Variants in CPQ observed in about 807,000 individuals in gnomAD.
CPQ encodes Ser-Met dipeptidase.
In CPQ, 37 loss-of-function variants were observed where a neutral mutation model predicts 45.7. That is an observed-to-expected ratio of 0.81 (90% CI 0.62 to 1.07). CPQ has a LOEUF of 1.07. Ranked by LOEUF, CPQ falls within the 50% of genes least tolerant of loss-of-function variation. The pLI is 0.00. For missense variants in CPQ, 537 were observed against 572.9 expected, an observed-to-expected ratio of 0.94 and a Z score of 0.64; for synonymous variants, 186 against 205.8, an observed-to-expected ratio of 0.90 and a Z score of 0.82.
At chr8:96,993,932 T>C (rs1809136099) in intron 5 of CPQ, among the ~76,000 whole-genome samples, 1 of 152,192 alleles carries the variant, frequency 6.6e-6, no homozygotes, top group African/African-American at 2.4e-5. Context: ...TCTCTCTTGC[T>C]GTTAATTGGG....
intron 7 of CPQ, among the ~76,000 whole-genome samples, chr8:97,111,851 C>T (rs1811502822): frequency 6.6e-6 from 1 of 152,204 alleles, no homozygotes; most frequent in African/African-American, 2.4e-5. Flanking sequence ...CTTATTCTGT[C>T]TCACTCTCTG....
chr8:96,912,325 A>G (rs1812675336), intron 4 of CPQ, among the ~76,000 whole-genome samples: 1 of 152,200 alleles, frequency 6.6e-6, no homozygotes, highest in Non-Finnish European at 1.5e-5. Context: ...TTTCACTGTG[A>G]GCAAGGTGGT....
intron 4 of CPQ, 32 bp downstream of exon 4, chr8:96,880,037 C>G (rs750129395): frequency 1.3e-6 from 2 of 1,575,138 alleles, no homozygotes; most frequent in Non-Finnish European, 1.7e-6. Context: ...CCTAAGAATA[C>G]AGTTTCCTGG....
intron 4 of CPQ, among the ~76,000 whole-genome samples, chr8:96,889,791 AG>A (rs1812349560): frequency 6.6e-6 from 1 of 152,192 alleles, no homozygotes; most frequent in African/African-American, 2.4e-5. Flanking sequence ...TACAGAAGAA[AG>A]GTGGAGGTCA....
intron 3 of CPQ, among the ~76,000 whole-genome samples, chr8:96,864,796 T>C (rs1004717802): frequency 6.6e-6 from 1 of 152,000 alleles, no homozygotes; most frequent in Admixed American, 6.6e-5. Context: ...CACCAATAGC[T>C]AATTGGAGGA....
intron 5 of CPQ, among the ~76,000 whole-genome samples, chr8:97,007,615 TG>T (rs1225138914): frequency 2.0e-5 from 3 of 152,162 alleles, no homozygotes; most frequent in African/African-American, 7.2e-5. Context: ...ATGACAAATG[TG>T]TGTAAATTTT....
chr8:96,849,346 T>A (rs548486852), intron 3 of CPQ, among the ~76,000 whole-genome samples: 1 of 152,218 alleles, frequency 6.6e-6, no homozygotes, highest in Non-Finnish European at 1.5e-5. Context: ...TTCCAGTGAC[T>A]GGCTTCTGGA....
intron 1 of CPQ, among the ~76,000 whole-genome samples, chr8:96,688,328 T>C (rs1415009658): frequency 6.6e-6 from 1 of 152,226 alleles, no homozygotes; most frequent in African/African-American, 2.4e-5. Flanking sequence ...CCCTTCTTGG[T>C]TACTTATTGA....
At chr8:96,879,665 A>T in intron 3 of CPQ, 133 bp from the exon 4 acceptor site, 1 of 636,176 alleles carries the variant, frequency 1.6e-6, no homozygotes, top group Non-Finnish European at 2.8e-6. Context: ...GTAAATCAAT[A>T]CTTCCCACAT....
At chr8:96,754,098 AC>A (rs1027826747) in intron 1 of CPQ, among the ~76,000 whole-genome samples, 5 of 152,084 alleles carry the variant, frequency 3.3e-5, no homozygotes, top group African/African-American at 1.2e-4. Context: ...GTTTTAATAT[AC>A]TTTGACTTAA....
intron 7 of CPQ, among the ~76,000 whole-genome samples, chr8:97,116,872 C>T (rs910383143): frequency 2.0e-5 from 3 of 152,206 alleles, no homozygotes; most frequent in Non-Finnish European, 4.4e-5. Context: ...GTCCTTTGGC[C>T]TATGGCCTTT....
intron 6 of CPQ, among the ~76,000 whole-genome samples, chr8:97,045,485 C>G (rs933100031): frequency 1.3e-5 from 2 of 152,320 alleles, no homozygotes; most frequent in Middle Eastern, 3.4e-3. Context: ...GCACGACGCA[C>G]TGCACCCACT....
chr8:96,898,704 C>G (rs1812474991), intron 4 of CPQ, among the ~76,000 whole-genome samples: 1 of 148,944 alleles, frequency 6.7e-6, no homozygotes, highest in Non-Finnish European at 1.5e-5. Context: ...TGCAGCACAC[C>G]AGCATGGCAC....
At chr8:96,750,130 GTA>G (rs773397308) in intron 1 of CPQ, among the ~76,000 whole-genome samples, 1 of 151,384 alleles carries the variant, frequency 6.6e-6, no homozygotes, top group Non-Finnish European at 1.5e-5. Flanking sequence ...ATATATACAT[GTA>G]TATATATATT....
intron 7 of CPQ, among the ~76,000 whole-genome samples, chr8:97,131,731 C>A (rs7826485): frequency 0.37 from 55,991 of 152,042 alleles, 12,839 homozygotes; most frequent in African/African-American, 0.62. Context: ...CTATGAATTT[C>A]TACTAGAGTC....
At chr8:96,858,456 C>A (rs978915599) in intron 3 of CPQ, among the ~76,000 whole-genome samples, 3 of 152,148 alleles carry the variant, frequency 2.0e-5, no homozygotes, top group African/African-American at 7.2e-5. Context: ...TGATATCCTG[C>A]ATGTTAGTTC....
intron 1 of CPQ, among the ~76,000 whole-genome samples, chr8:96,784,305 T>C (rs1337141239): frequency 6.6e-6 from 1 of 152,082 alleles, no homozygotes; most frequent in Non-Finnish European, 1.5e-5. Context: ...CATACCACAG[T>C]TTGTGGCATC....
At chr8:96,706,109 T>G (rs1017480711) in intron 1 of CPQ, among the ~76,000 whole-genome samples, 7 of 152,194 alleles carry the variant, frequency 4.6e-5, no homozygotes, top group Non-Finnish European at 8.8e-5. Flanking sequence ...AAAGGCTTGC[T>G]GACAGCCTGT....
In CPQ at chr8:97,059,057, G is replaced by C. The variant is rs187569699; in HGVS notation, c.1054-6952G>C. On this transcript the variant is annotated intron_variant, in intron 6 of 7. Coordinates refer to ENST00000220763, the MANE Select transcript of CPQ (RefSeq NM_016134.4). ...CCGTAGTGTCATTTATGCAGGGTTC[G>C]TGTGTTTTTGGTAAGCTTAAGAGTT... Among the ~76,000 whole-genome samples the C allele has an allele frequency of 1.2e-3, 190 of 152,178 alleles. 1 individual carries two copies. The highest frequency in any genetic ancestry group is 4.5e-3 in the African/African-American group (187 of 41,528).
Sources: gnomAD v4.1 joint callset for allele counts (sites outside exome capture counted in the v4.1 genomes callset) on GRCh38, gnomAD v4.1.1 for gene constraint, MANE v1.5 for transcripts, NCBI Gene and HGNC (gene_info 2026-07-23, HGNC 2026-07-21) for gene names.